ATP6V1C1: variants seen among roughly 807,000 people sequenced by gnomAD.
ATP6V1C1 encodes ATPase H+ transporting V1 subunit C1, also known as V-type proton ATPase subunit C 1.
ATP6V1C1 carries 45 observed loss-of-function variants against 53.9 expected under a neutral mutation model. The ratio of observed to expected loss-of-function variants is 0.83; its 90% confidence interval spans 0.66 to 1.07. The LOEUF (loss-of-function observed/expected upper bound fraction) is 1.07, where lower values mean the gene tolerates loss of function less well. Among genes scored for constraint, ATP6V1C1 ranks in the 50% least tolerant of loss-of-function variants. ATP6V1C1 has a pLI of 0.00. For missense variants in ATP6V1C1, 315 were observed against 440.3 expected (o/e 0.72, Z 2.55); for synonymous variants, 153 against 155.2 (o/e 0.99, Z 0.11).
intron 1 of ATP6V1C1, among the ~76,000 whole-genome samples, chr8:103,028,077 A>G (rs906386086): frequency 5.9e-5 from 9 of 152,208 alleles, no homozygotes; most frequent in African/African-American, 2.2e-4. Context: ...ATGTCTGCCT[A>G]ATGCTGTTAA....
At chr8:103,029,527 C>T (rs1816756280) in intron 1 of ATP6V1C1, among the ~76,000 whole-genome samples, 1 of 152,158 alleles carries the variant, frequency 6.6e-6, no homozygotes, top group African/African-American at 2.4e-5. Flanking sequence ...CTCAGCCTCC[C>T]AAAGTGTTGG....
At chr8:103,031,308 A>T in intron 1 of ATP6V1C1, among the ~76,000 whole-genome samples, 1 of 152,216 alleles carries the variant, frequency 6.6e-6, no homozygotes, top group Non-Finnish European at 1.5e-5. Flanking sequence ...TGTTAGTCTT[A>T]TTTGTTGCCA....
intron 1 of ATP6V1C1, among the ~76,000 whole-genome samples, chr8:103,038,219 T>C (rs113515633): frequency 2.0e-5 from 3 of 152,332 alleles, no homozygotes; most frequent in African/African-American, 7.2e-5. Context: ...GTCACATGTC[T>C]GGTGGTTCAT....
chr8:103,031,642 C>T (rs1209583075), intron 1 of ATP6V1C1, among the ~76,000 whole-genome samples: 1 of 152,184 alleles, frequency 6.6e-6, no homozygotes, highest in Non-Finnish European at 1.5e-5. Flanking sequence ...ATGACCCAGA[C>T]ACCTCCCACC....
intron 3 of ATP6V1C1, among the ~76,000 whole-genome samples, chr8:103,044,021 T>TGA (rs1034246378): frequency 6.6e-6 from 1 of 152,128 alleles, no homozygotes; most frequent in African/African-American, 2.4e-5. Flanking sequence ...CCCGAGTAGC[T>TGA]GAGATTACAG....
intron 1 of ATP6V1C1, among the ~76,000 whole-genome samples, chr8:103,029,524 T>C (rs527922828): frequency 5.3e-5 from 8 of 152,266 alleles, no homozygotes; most frequent in Non-Finnish European, 1.0e-4. Flanking sequence ...CGCCTCAGCC[T>C]CCCAAAGTGT....
intron 8 of ATP6V1C1, among the ~76,000 whole-genome samples, chr8:103,062,468 C>T (rs1817419373): frequency 6.6e-6 from 1 of 152,100 alleles, no homozygotes; most frequent in Non-Finnish European, 1.5e-5. Context: ...CTGCACCCAG[C>T]CTGTCAGTTT....
intron 2 of ATP6V1C1, among the ~76,000 whole-genome samples, chr8:103,042,071 A>G (rs1817010674): frequency 6.6e-6 from 1 of 152,108 alleles, no homozygotes; most frequent in South Asian, 2.1e-4. Context: ...ACTTCAAATG[A>G]TCCAGTGTCA....
At position 103,060,898 on chromosome 8, in the gene ATP6V1C1, G is replaced by A. The variant is rs113611127; in HGVS notation, c.642-2057G>A. On this transcript the variant is annotated intron_variant, in intron 8 of 12. Transcript: ENST00000518738. ...TAGGTAACCTGTTCATTGACACAGG[G>A]CCATGTCAAGCACCAAATGCTTTTG... Among the ~76,000 whole-genome samples, 344 of 152,098 alleles carry A rather than the reference G, an allele frequency of 2.3e-3. 1 individual carries two copies. The highest frequency in any genetic ancestry group is 7.9e-3 in the African/African-American group (328 of 41,536).
Position 103,070,304 on chromosome 8 carries a change from C to T in ATP6V1C1, c.*1557C>T, listed in dbSNP as rs1371446328. The stretch of plus-strand genomic sequence containing the variant: ...ATCCTTGCACAGATTTCTTTGTATA[C>T]TTGTATTAGTATTTCTGTAAGATCT... On this transcript the variant is annotated 3_prime_UTR_variant, in exon 13 of 13. Transcript: ENST00000518738. 1.3e-5 allele frequency: 2 copies of T among 152,132 alleles called. No homozygotes were observed. The highest frequency in any genetic ancestry group is 2.4e-5 in the African/African-American group (1 of 41,410). The allele number at this position is 152,132 out of a possible 1,614,324, so 9.4% of individuals were successfully genotyped here.
chr8:103,054,959 T>C (rs1172229839), intron 7 of ATP6V1C1, among the ~76,000 whole-genome samples: 1 of 152,112 alleles, frequency 6.6e-6, no homozygotes, highest in African/African-American at 2.4e-5. Flanking sequence ...TGCATTTTTT[T>C]CCCCTTTATT....
chr8:103,064,022 A>T (rs1817447207), intron 10 of ATP6V1C1, among the ~76,000 whole-genome samples: 1 of 152,164 alleles, frequency 6.6e-6, no homozygotes, highest in Non-Finnish European at 1.5e-5. Flanking sequence ...CAAGATTTTC[A>T]CTTGTTTTGC....
At chr8:103,045,560 A>G (rs1817078969) in intron 3 of ATP6V1C1, among the ~76,000 whole-genome samples, 1 of 152,326 alleles carries the variant, frequency 6.6e-6, no homozygotes, top group Admixed American at 6.5e-5. Flanking sequence ...GAATTATTAT[A>G]AATATAGTGA....
Position 103,051,122 on chromosome 8 carries a change from A to G in ATP6V1C1, c.359A>G (p.Asn120Ser). 6.2e-7 allele frequency: 1 copy of G among 1,607,298 alleles called. No individual in the cohort carries two copies. Residue 120 changes from asparagine to serine, a missense_variant, in exon 5 of 13, where the codon AAT (asparagine) becomes AGT (serine). Transcript: ENST00000518738. ...TATCCAATCAAGCAGTCCCTGAAAAATATTTCTGAAATAATTGCCAAGGTA... is the reference window on the plus strand; with the variant it reads ...TATCCAATCAAGCAGTCCCTGAAAAGTATTTCTGAAATAATTGCCAAGGTA... The part of the protein sequence containing the change: ...AKYPIKQSLK[N>S]ISEIIAKGVT...
At chr8:103,036,631 G>C (rs916893306) in intron 1 of ATP6V1C1, among the ~76,000 whole-genome samples, 1 of 152,128 alleles carries the variant, frequency 6.6e-6, no homozygotes, top group African/African-American at 2.4e-5. Flanking sequence ...CCTAATAAAA[G>C]CTCAGTGAAG....
Position 103,042,348 on chromosome 8 carries a change from G to A in ATP6V1C1, c.141G>A (p.Thr47=), listed in dbSNP as rs1424437697. 8.1e-6 allele frequency: 13 copies of A among 1,613,442 alleles called. No homozygotes were observed. Among genetic ancestry groups the A allele is most frequent in the East Asian group, 4.5e-5 (2 of 44,840 alleles). The part of the protein sequence containing the change: ...KFNIPDLKVG[T]LDVLVGLSDE... ...ATATATTTTCCTTTTAGGTTGGCAC[G>A]TTGGATGTCTTGGTTGGCTTGTCAG... is the stretch of plus-strand genomic sequence containing the variant. The change falls in exon 3 of 13, where the codon ACG becomes ACA. Residue 47 remains threonine, a synonymous_variant. Transcript: ENST00000518738.
chr8:103,055,879 A>G lies in ATP6V1C1; in HGVS notation c.584A>G (p.Asn195Ser), dbSNP rs374645844. ...TACCTTTTCTGCAGGTTAAACCACA[A>G]CGACTGGATTAAGCAGTATGAAACA... ...LLVVVPKLNH[N>S]DWIKQYETLA... Residue 195 changes from asparagine to serine, a missense_variant, in exon 8 of 13, where the codon AAC becomes AGC. Coordinates refer to ENST00000518738, the MANE Select transcript of ATP6V1C1 (RefSeq NM_001695.5). The G allele has an allele frequency of 1.4e-5, 23 of 1,612,032 alleles. No homozygotes were observed. The African/African-American group carries it at 2.1e-4, about 15-fold the overall frequency.
chr8:103,045,081 T>C (rs1817071292), intron 3 of ATP6V1C1, among the ~76,000 whole-genome samples: 1 of 152,224 alleles, frequency 6.6e-6, no homozygotes, highest in Admixed American at 6.5e-5. Flanking sequence ...TTTTAGAGTT[T>C]AGATACACAG....
At chr8:103,040,165 A>C (rs1296374213) in intron 1 of ATP6V1C1, among the ~76,000 whole-genome samples, 1 of 151,990 alleles carries the variant, frequency 6.6e-6, no homozygotes, top group East Asian at 1.9e-4. Flanking sequence ...ATGCTTTAAA[A>C]GTTTGAGATA....
Sources: gnomAD v4.1 joint callset for allele counts (sites outside exome capture counted in the v4.1 genomes callset) on GRCh38, gnomAD v4.1.1 for gene constraint, MANE v1.5 for transcripts, NCBI Gene and HGNC (gene_info 2026-07-23, HGNC 2026-07-21) for gene names.